LHFPL3: variants seen among roughly 807,000 people sequenced by gnomAD.
LHFPL3 encodes LHFPL tetraspan subfamily member 3 protein.
In LHFPL3, 5 loss-of-function variants were observed where a neutral mutation model predicts 19.3. The observed-to-expected ratio is 0.26, with a 90% confidence interval of 0.14 to 0.54. LHFPL3 has a LOEUF of 0.54. Among genes scored for constraint, LHFPL3 ranks in the 20% least tolerant of loss-of-function variants. The probability of loss-of-function intolerance (pLI) is 0.94; values close to 1 mark genes in which losing one functional copy is unlikely to be tolerated. For synonymous variants in LHFPL3, 133 were observed against 126.2 expected, an observed-to-expected ratio of 1.05 and a Z score of -0.36; for missense variants, 249 against 307.4, an observed-to-expected ratio of 0.81 and a Z score of 1.42.
chr7:104,568,873 G>A (rs1584408389), intron 1 of LHFPL3, among the ~76,000 whole-genome samples: 3 of 152,278 alleles, frequency 2.0e-5, no homozygotes, highest in East Asian at 3.9e-4. Flanking sequence ...AATTTCCCAT[G>A]ACTGGGCTTC....
chr7:104,405,348 G>T (rs1293933423), intron 1 of LHFPL3, among the ~76,000 whole-genome samples: 1 of 152,034 alleles, frequency 6.6e-6, no homozygotes, highest in Non-Finnish European at 1.5e-5. Flanking sequence ...TGTAAAATCG[G>T]TCAGAAATAA....
chr7:104,640,909 A>T (rs1431773850), intron 1 of LHFPL3, among the ~76,000 whole-genome samples: 1 of 152,214 alleles, frequency 6.6e-6, no homozygotes, highest in African/African-American at 2.4e-5. Flanking sequence ...CTCAGATATT[A>T]TCAAATATTG....
intron 1 of LHFPL3, among the ~76,000 whole-genome samples, chr7:104,563,776 A>C (rs1417320275): frequency 6.6e-6 from 1 of 152,200 alleles, no homozygotes; most frequent in Admixed American, 6.5e-5. Context: ...CTTTGATCTT[A>C]CACTTCTCAG....
intron 1 of LHFPL3, among the ~76,000 whole-genome samples, chr7:104,409,837 G>A (rs1396517805): frequency 1.3e-5 from 2 of 151,982 alleles, no homozygotes; most frequent in Non-Finnish European, 2.9e-5. Context: ...AATGGAATAA[G>A]CTCTTGTTAC....
intron 1 of LHFPL3, among the ~76,000 whole-genome samples, chr7:104,603,116 TTC>T (rs1791011696): frequency 7.1e-6 from 1 of 141,666 alleles, no homozygotes; most frequent in Non-Finnish European, 1.5e-5. Context: ...CTTTCTTTCT[TTC>T]TTTCTTTCTT....
intron 1 of LHFPL3, among the ~76,000 whole-genome samples, chr7:104,412,607 C>T (rs1048559816): frequency 4.6e-5 from 7 of 151,936 alleles, no homozygotes; most frequent in Non-Finnish European, 8.8e-5. Flanking sequence ...AGACCTCCAA[C>T]GCAGCACACC....
chr7:104,652,668 A>G (rs1291427254), intron 1 of LHFPL3, among the ~76,000 whole-genome samples: 4 of 152,154 alleles, frequency 2.6e-5, no homozygotes, highest in African/African-American at 9.7e-5. Flanking sequence ...GAGATTGAGG[A>G]GGAGGCTTGG....
At chr7:104,392,055 A>C (rs1184164423) in intron 1 of LHFPL3, among the ~76,000 whole-genome samples, 1 of 152,156 alleles carries the variant, frequency 6.6e-6, no homozygotes, top group Non-Finnish European at 1.5e-5. Context: ...GGCTTTGCTG[A>C]AGTTGCTTAT....
At chr7:104,333,398 T>A (rs533359383) in intron 1 of LHFPL3, among the ~76,000 whole-genome samples, 7 of 152,342 alleles carry the variant, frequency 4.6e-5, no homozygotes, top group African/African-American at 1.7e-4. Flanking sequence ...GGACACCTGA[T>A]CCAGATTGGA....
chr7:104,432,575 G>A (rs966509854), intron 1 of LHFPL3, among the ~76,000 whole-genome samples: 7 of 152,020 alleles, frequency 4.6e-5, no homozygotes, highest in African/African-American at 1.7e-4. Flanking sequence ...AAGGTTTCTA[G>A]CCATCTATTT....
At chr7:104,729,965 A>G (rs1214818192) in intron 1 of LHFPL3, among the ~76,000 whole-genome samples, 4 of 148,774 alleles carry the variant, frequency 2.7e-5, no homozygotes, top group Non-Finnish European at 4.4e-5. Flanking sequence ...CTCATTGTTC[A>G]GTTCCCACCT....
At chr7:104,688,221 CA>C (rs983464958) in intron 1 of LHFPL3, among the ~76,000 whole-genome samples, 4 of 152,082 alleles carry the variant, frequency 2.6e-5, no homozygotes. Context: ...GACAAAGTGA[CA>C]AAAGAAAAGG....
intron 1 of LHFPL3, among the ~76,000 whole-genome samples, chr7:104,421,526 A>G (rs1791733451): frequency 6.6e-6 from 1 of 152,138 alleles, no homozygotes; most frequent in Admixed American, 6.5e-5. Flanking sequence ...CATGAAGATA[A>G]TTTTTTTCCT....
intron 1 of LHFPL3, among the ~76,000 whole-genome samples, chr7:104,615,378 A>G (rs768029990): frequency 2.6e-5 from 4 of 152,226 alleles, no homozygotes; most frequent in Non-Finnish European, 5.9e-5. Context: ...TTTAAAAATT[A>G]TCATTGTAGT....
chr7:104,612,509 G>C (rs1317223471), intron 1 of LHFPL3, among the ~76,000 whole-genome samples: 1 of 152,106 alleles, frequency 6.6e-6, no homozygotes, highest in Non-Finnish European at 1.5e-5. Context: ...TTGGAATAAA[G>C]ACATCTCATA....
intron 2 of LHFPL3, among the ~76,000 whole-genome samples, chr7:104,843,174 T>C (rs1303649281): frequency 6.6e-6 from 1 of 152,230 alleles, no homozygotes; most frequent in Admixed American, 6.5e-5. Flanking sequence ...GCCCAGACTC[T>C]GGGAGCCTGC....
intron 1 of LHFPL3, among the ~76,000 whole-genome samples, chr7:104,546,762 C>G (rs1584393164): frequency 6.6e-6 from 1 of 152,094 alleles, no homozygotes; most frequent in Admixed American, 6.6e-5. Flanking sequence ...CACTGGAGAC[C>G]TGGGTTGAAA....
At chr7:104,464,848 A>G (rs146043588) in intron 1 of LHFPL3, among the ~76,000 whole-genome samples, 6 of 152,048 alleles carry the variant, frequency 3.9e-5, no homozygotes, top group African/African-American at 1.4e-4. Context: ...CATTTTCCTC[A>G]TTGTCTTGGT....
At chr7:104,566,203 T>C (rs1357920429) in intron 1 of LHFPL3, among the ~76,000 whole-genome samples, 3 of 151,908 alleles carry the variant, frequency 2.0e-5, no homozygotes, top group Non-Finnish European at 2.9e-5. Context: ...CCAAAAAAAT[T>C]TGCCTGTCAT....
Sources: gnomAD v4.1 joint callset for allele counts (sites outside exome capture counted in the v4.1 genomes callset) on GRCh38, gnomAD v4.1.1 for gene constraint, MANE v1.5 for transcripts, NCBI Gene and HGNC (gene_info 2026-07-23, HGNC 2026-07-21) for gene names.